The following FSTL4 variants were observed in gnomAD, a reference collection of about 807,000 sequenced individuals.
FSTL4 encodes the protein follistatin-related protein 4.
In FSTL4, 28 loss-of-function variants were observed where a neutral mutation model predicts 78.2. The observed-to-expected ratio is 0.36, with a 90% CI of 0.27 to 0.49. The LOEUF (loss-of-function observed/expected upper bound fraction) is 0.49, where lower values mean the gene tolerates loss of function less well. Ranked by LOEUF, FSTL4 falls within the 20% of genes least tolerant of loss-of-function variation. FSTL4 has a pLI of 0.98. For missense variants in FSTL4, 922 were observed against 1,084.9 expected (o/e 0.85, Z 2.11); for synonymous variants, 422 against 440.5 (o/e 0.96, Z 0.53).
intron 6 of FSTL4, among the ~76,000 whole-genome samples, chr5:133,278,966 G>A (rs1320563801): frequency 1.3e-5 from 2 of 152,232 alleles, no homozygotes; most frequent in Non-Finnish European, 2.9e-5. Flanking sequence ...AGCTGCACAT[G>A]TGTTTTGCCC....
chr5:133,575,581 AATGAGTTC>A (rs1760258320), intron 2 of FSTL4, among the ~76,000 whole-genome samples: 1 of 152,170 alleles, frequency 6.6e-6, no homozygotes, highest in South Asian at 2.1e-4. Flanking sequence ...TTGGGAGGTA[AATGAGTTC>A]AACGGCTTCC....
At chr5:133,589,142 C>A (rs1473572896) in intron 2 of FSTL4, among the ~76,000 whole-genome samples, 1 of 49,432 alleles carries the variant, frequency 2.0e-5, no homozygotes, top group African/African-American at 6.6e-5. Flanking sequence ...GTGGTGGGGT[C>A]GGGGGAGGGG....
At chr5:133,796,592 G>T in the FSTL4 span, among the ~76,000 whole-genome samples, 1 of 151,910 alleles carries the variant, frequency 6.6e-6, no homozygotes, top group South Asian at 2.1e-4. Flanking sequence ...ATCCCTCTCC[G>T]ACCACCCCCA....
intron 6 of FSTL4, among the ~76,000 whole-genome samples, chr5:133,291,630 T>G (rs1161305993): frequency 6.6e-6 from 1 of 152,072 alleles, no homozygotes; most frequent in African/African-American, 2.4e-5. Context: ...CAAATGAGCG[T>G]CTCAAGGAGG....
intron 3 of FSTL4, among the ~76,000 whole-genome samples, chr5:133,401,794 C>T (rs370858324): frequency 1.6e-4 from 24 of 152,136 alleles, no homozygotes; most frequent in Admixed American, 1.1e-3. Flanking sequence ...CTCCCCCAGC[C>T]GCCCTGTGGG....
In FSTL4 at chr5:133,242,418, G is replaced by T. The variant is rs1030233575; in HGVS notation, c.894+6992C>A. Among the ~76,000 whole-genome samples, 3 of 141,274 alleles carry T rather than the reference G, an allele frequency of 2.1e-5. No homozygotes were observed. In the Admixed American group the frequency reaches 2.1e-4, roughly 10 times the overall value. The allele number at this position is 141,274 out of a possible 152,430, so 92.7% of individuals were successfully genotyped here. A position where few individuals can be genotyped will look rare whatever the true frequency, so the allele number is the denominator to read the frequency against. Reference sequence around the variant, plus strand: ...GGAAGAGACTCTGTGGGGAGTTCCTGGGTTCTGCAATCAGGGTATAGAAGC... The same window carrying T: ...GGAAGAGACTCTGTGGGGAGTTCCTTGGTTCTGCAATCAGGGTATAGAAGC... On this transcript the variant is annotated intron_variant, in intron 7 of 15. Transcript: ENST00000265342.
chr5:133,634,046 A>G, the FSTL4 span, among the ~76,000 whole-genome samples: 1 of 152,118 alleles, frequency 6.6e-6, no homozygotes, highest in African/African-American at 2.4e-5. Context: ...AGGGACAAGT[A>G]GTGGTGGTAA....
At chr5:133,834,845 C>T in the FSTL4 span, among the ~76,000 whole-genome samples, 1 of 151,626 alleles carries the variant, frequency 6.6e-6, no homozygotes, top group Non-Finnish European at 1.5e-5. Flanking sequence ...GAGAAAAAGA[C>T]TGAAAATATC....
the FSTL4 span, among the ~76,000 whole-genome samples, chr5:133,635,904 G>C: frequency 3.3e-5 from 5 of 152,310 alleles, no homozygotes; most frequent in African/African-American, 9.6e-5. Context: ...AGTGGTGAGA[G>C]GAGAGGTCCT....
intron 2 of FSTL4, among the ~76,000 whole-genome samples, chr5:133,568,425 C>A (rs1760076615): frequency 6.6e-6 from 1 of 152,172 alleles, no homozygotes; most frequent in Non-Finnish European, 1.5e-5. Context: ...TCTTGTCTAG[C>A]ATCCTCTTGT....
At chr5:133,530,299 G>A (rs1759224340) in intron 3 of FSTL4, among the ~76,000 whole-genome samples, 1 of 152,164 alleles carries the variant, frequency 6.6e-6, no homozygotes, top group African/African-American at 2.4e-5. Context: ...GCACCGTTAG[G>A]AGCCGCAGAA....
chr5:133,700,878 T>G, the FSTL4 span, among the ~76,000 whole-genome samples: 1 of 152,214 alleles, frequency 6.6e-6, no homozygotes. Context: ...CATTTGGAAG[T>G]TCCATAGGAC....
the FSTL4 span, among the ~76,000 whole-genome samples, chr5:133,646,442 C>T: frequency 6.6e-6 from 1 of 152,212 alleles, no homozygotes; most frequent in Admixed American, 6.6e-5. Context: ...GGATTTTATT[C>T]TGTGATGAGA....
At chr5:133,546,944 A>C (rs541387891) in intron 3 of FSTL4, among the ~76,000 whole-genome samples, 1 of 152,340 alleles carries the variant, frequency 6.6e-6, no homozygotes, top group Non-Finnish European at 1.5e-5. Flanking sequence ...TCCTCCCCCC[A>C]GATTTCAAAG....
At chr5:133,657,303 T>C in the FSTL4 span, among the ~76,000 whole-genome samples, 1 of 152,130 alleles carries the variant, frequency 6.6e-6, no homozygotes, top group Non-Finnish European at 1.5e-5. Flanking sequence ...AGAAACACGG[T>C]GGAGAGCTGT....
chr5:133,395,753 C>T (rs1172011721), intron 4 of FSTL4, among the ~76,000 whole-genome samples: 3 of 152,214 alleles, frequency 2.0e-5, no homozygotes, highest in Non-Finnish European at 2.9e-5. Flanking sequence ...CACTCTCAAC[C>T]TAGCAAACCT....
intron 3 of FSTL4, among the ~76,000 whole-genome samples, chr5:133,432,294 C>T (rs895325329): frequency 6.6e-6 from 1 of 152,198 alleles, no homozygotes; most frequent in Non-Finnish European, 1.5e-5. Flanking sequence ...TGTCACAATG[C>T]CTCTCTAAAC....
At chr5:133,657,761 T>A in the FSTL4 span, among the ~76,000 whole-genome samples, 3 of 114,032 alleles carry the variant, frequency 2.6e-5, no homozygotes, top group African/African-American at 3.8e-5. Flanking sequence ...AGCTTACTGT[T>A]TTTTGTTTTT....
intron 2 of FSTL4, among the ~76,000 whole-genome samples, chr5:133,592,154 T>A (rs1018651466): frequency 2.6e-5 from 4 of 152,120 alleles, no homozygotes; most frequent in Non-Finnish European, 1.5e-5. Context: ...CAAGAGGTCC[T>A]TCCCAATCCC....
Sources: allele counts gnomAD v4.1 joint callset (sites outside exome capture counted in the v4.1 genomes callset), GRCh38; gene constraint gnomAD v4.1.1; transcripts MANE v1.5; gene names NCBI Gene and HGNC (gene_info 2026-07-23, HGNC 2026-07-21).